The following HEATR5A variants were observed in gnomAD, a reference collection of about 807,000 sequenced individuals.
HEATR5A encodes the protein HEAT repeat containing 5A.
Under a neutral mutation model 218.8 loss-of-function variants are expected in HEATR5A, and 178 were observed. That is an observed-to-expected ratio of 0.81 (90% confidence interval 0.72 to 0.92). The LOEUF (loss-of-function observed/expected upper bound fraction) is 0.92. Among genes scored for constraint, HEATR5A ranks in the 40% least tolerant of loss-of-function variants. The pLI, the probability that HEATR5A is intolerant of heterozygous loss-of-function variation, is 0.00. For missense variants in HEATR5A, 2,420 were observed against 2,418.9 expected (o/e 1.00, Z -0.01); for synonymous variants, 864 against 871.6 (o/e 0.99, Z 0.15).
chr14:31,347,175 C>A (rs945952729), intron 19 of HEATR5A, among the ~76,000 whole-genome samples: 17 of 152,094 alleles, frequency 1.1e-4, no homozygotes, highest in African/African-American at 4.1e-4. Flanking sequence ...ACCTATTAAG[C>A]TCTTTAAAAT....
chr14:31,337,030 T>C (rs1900694087), intron 22 of HEATR5A, among the ~76,000 whole-genome samples: 1 of 152,236 alleles, frequency 6.6e-6, no homozygotes, highest in African/African-American at 2.4e-5. Flanking sequence ...AACATTTGTG[T>C]ATCAAAACAT....
chr14:31,379,190 C>T (rs985402049), intron 11 of HEATR5A, among the ~76,000 whole-genome samples: 6 of 151,594 alleles, frequency 4.0e-5, no homozygotes, highest in East Asian at 3.9e-4. Flanking sequence ...TCAGATGATC[C>T]GCCCGCCTAG....
intron 1 of HEATR5A, among the ~76,000 whole-genome samples, chr14:31,408,415 T>A (rs1161148200): frequency 6.6e-6 from 1 of 152,202 alleles, no homozygotes; most frequent in Non-Finnish European, 1.5e-5. Context: ...CACTTCAAGA[T>A]AAAACATGAG....
In HEATR5A at chr14:31,337,492, T is replaced by C; in HGVS notation, c.3351A>G (p.Arg1117=). The change falls in exon 22 of 36, where the codon AGA becomes AGG. Residue 1117 remains arginine, a synonymous_variant. Transcript: ENST00000543095. Reference sequence around the variant, plus strand: ...GAGAATTACCTGGAGTCAACTCTTCTCTGCTATCCTTAGCAAGCATAACAG... The same window carrying C: ...GAGAATTACCTGGAGTCAACTCTTCCCTGCTATCCTTAGCAAGCATAACAG... ...EHAVMLAKDS[R]EELTPDANIR... 1 of 1,552,240 alleles carries C rather than the reference T, an allele frequency of 6.4e-7. No homozygotes were observed. The highest frequency in any genetic ancestry group is 8.7e-7 in the Non-Finnish European group (1 of 1,147,152).
At chr14:31,346,698 G>T (rs552168382) in intron 19 of HEATR5A, among the ~76,000 whole-genome samples, 15 of 152,286 alleles carry the variant, frequency 9.8e-5, no homozygotes, top group Admixed American at 7.9e-4. Context: ...TTTTCTGCAG[G>T]AAAGTGGCAA....
intron 25 of HEATR5A, chr14:31,320,601 C>T (rs1235406630): frequency 1.3e-6 from 1 of 754,770 alleles, no homozygotes; most frequent in Admixed American, 1.8e-5. Flanking sequence ...CAGATCAGAG[C>T]TGGAGAAATG....
chr14:31,376,971 A>T (rs926650340), intron 11 of HEATR5A, among the ~76,000 whole-genome samples: 6 of 152,036 alleles, frequency 3.9e-5, no homozygotes, highest in African/African-American at 1.4e-4. Context: ...AAAAAAATTT[A>T]AAAATTAGCT....
chr14:31,309,437 ATAACC>A (rs1270147937), intron 28 of HEATR5A, among the ~76,000 whole-genome samples: 1 of 152,190 alleles, frequency 6.6e-6, no homozygotes, highest in East Asian at 1.9e-4. Context: ...TGTTAACAAA[ATAACC>A]TAACAACATT....
intron 33 of HEATR5A, among the ~76,000 whole-genome samples, chr14:31,301,939 G>C (rs1899396639): frequency 6.7e-6 from 1 of 149,040 alleles, no homozygotes; most frequent in South Asian, 2.1e-4. Context: ...TGTCTCAGTG[G>C]AGTAGCTGAG....
At chr14:31,374,739 C>T (rs1413853581) in intron 12 of HEATR5A, 77 bp downstream of exon 12, 4 of 1,353,118 alleles carry the variant, frequency 3.0e-6, no homozygotes, top group Non-Finnish European at 4.0e-6. Context: ...TTAAATAAAA[C>T]ATACAAGTAC....
chr14:31,407,967 T>C (rs1360119867), intron 1 of HEATR5A, among the ~76,000 whole-genome samples: 1 of 152,154 alleles, frequency 6.6e-6, no homozygotes, highest in Non-Finnish European at 1.5e-5. Flanking sequence ...GAATGTTAAT[T>C]CCATTACTTT....
chr14:31,415,755 C>T (rs1361571043), intron 1 of HEATR5A, among the ~76,000 whole-genome samples: 1 of 152,008 alleles, frequency 6.6e-6, no homozygotes, highest in African/African-American at 2.4e-5. Flanking sequence ...ATTTTGTGTA[C>T]AGACACACAA....
In HEATR5A at chr14:31,293,938, C is replaced by T; in HGVS notation, c.5786G>A (p.Gly1929Asp). Reference sequence around the variant, plus strand: ...AACCAGTGTTTCTAAGACCTTTATGCCTTCTTGGAAGATCTCAAGCTCAGC... The same window carrying T: ...AACCAGTGTTTCTAAGACCTTTATGTCTTCTTGGAAGATCTCAAGCTCAGC... ...NTAELEIFQEGIKVLETLVTV... is the reference protein window; with the variant it reads ...NTAELEIFQEDIKVLETLVTV... Residue 1929 changes from glycine to aspartate, a missense_variant, in exon 35 of 36, where the codon GGC becomes GAC. By Grantham distance (94) the Gly-to-Asp change is moderately conservative (BLOSUM62 -1). Transcript: ENST00000543095. 6.2e-7 allele frequency: 1 copy of T among 1,607,370 alleles called. No homozygotes were observed.
intron 9 of HEATR5A, 59 bp downstream of exon 9, chr14:31,386,361 T>C: frequency 5.2e-6 from 7 of 1,344,836 alleles, no homozygotes; most frequent in Non-Finnish European, 7.2e-6. Context: ...AAGATTTCCT[T>C]CCTTGGAACA....
At position 31,395,202 on chromosome 14, in the gene HEATR5A, T is replaced by G; in HGVS notation, c.594A>C (p.Ala198=). The G allele has an allele frequency of 6.6e-7, 1 of 1,506,832 alleles. No individual in the cohort carries two copies. The highest frequency in any genetic ancestry group is 8.8e-7 in the Non-Finnish European group (1 of 1,132,382). 93.3% of individuals were successfully genotyped at this position (1,506,832 alleles called of 1,614,324 possible). Residue 198 remains alanine, a synonymous_variant, in exon 5 of 36, where the codon GCA becomes GCC. Coordinates refer to ENST00000543095, the MANE Select transcript of HEATR5A (RefSeq NM_015473.4). ...DRSMAVRCAA[A]KCLLELQNEA... ...TCTGCTTATTAGATCATTTTACCTT[T>G]GCAGCAGCACAACGAACAGCCATGG...
In HEATR5A at chr14:31,347,864, A is replaced by G. The variant is rs761418637; in HGVS notation, c.2752T>C (p.Leu918=). Residue 918 remains leucine (L), a synonymous_variant, in exon 19 of 36, where the codon TTG becomes CTG. Transcript: ENST00000543095. The stretch of plus-strand genomic sequence containing the variant: ...TACCTATGTAGGGACCCCAAGGCCA[A>G]TGAGTGTCCTGTTCTGGTAACCACA... The part of the protein sequence containing the change: ...RDVVTRTGHS[L]ALGSLHRYLG... 2 of 1,577,594 alleles carry G rather than the reference A, an allele frequency of 1.3e-6. No homozygotes were observed. The highest frequency in any genetic ancestry group is 1.2e-5 in the South Asian group (1 of 85,704).
At position 31,407,580 on chromosome 14, in the gene HEATR5A, TTATTTATATATATATATATATATA is replaced by T. The variant is rs1427111533; in HGVS notation, c.-74-4555_-74-4532del. On this transcript the variant is annotated intron_variant, in intron 1 of 35. Transcript: ENST00000543095. ...CATGTACCTGTTATCATCACTTATT[TTATTTATATATATATATATATATA>T]TATATATATATATATATATATATAT... is the stretch of plus-strand genomic sequence containing the variant. Among the ~76,000 whole-genome samples, 64 of 149,302 alleles carry T rather than the reference TTATTTATATATATATATATATATA, an allele frequency of 4.3e-4. 4 individuals are homozygous for T. The highest frequency in any genetic ancestry group is 1.5e-3 in the African/African-American group (60 of 39,826).
rs184236608 is a variant in HEATR5A, at chr14:31,321,644, C to T, written c.3824G>A (p.Arg1275His). Residue 1275 changes from arginine (R) to histidine (H), a missense_variant, in exon 25 of 36, where the codon CGC becomes CAC. By Grantham distance (29) the Arg-to-His change is conservative. Coordinates refer to ENST00000543095, the MANE Select transcript of HEATR5A (RefSeq NM_015473.4). ...FLVLHLADLI[R>H]MAFMAATDHS... ...ATCTGTGGCAGCCATAAAAGCCATG[C>T]GAATTAAGTCAGCAAGATGCAGTAC... The T allele has an allele frequency of 1.5e-5, 24 of 1,607,090 alleles. No homozygotes were observed. Among genetic ancestry groups the T allele is most frequent in the African/African-American group, 4.0e-5 (3 of 74,610 alleles).
intron 24 of HEATR5A, among the ~76,000 whole-genome samples, chr14:31,322,624 C>G (rs1295329002): frequency 6.6e-6 from 1 of 151,780 alleles, no homozygotes; most frequent in Non-Finnish European, 1.5e-5. Flanking sequence ...TTTGAGACAG[C>G]CTGGGCAACA....
Sources: gnomAD v4.1 joint callset for allele counts (sites outside exome capture counted in the v4.1 genomes callset) on GRCh38, gnomAD v4.1.1 for gene constraint, MANE v1.5 for transcripts, NCBI Gene and HGNC (gene_info 2026-07-23, HGNC 2026-07-21) for gene names.